Variants in FNBP4 observed in about 807,000 individuals in gnomAD.
FNBP4 encodes formin-binding protein 4.
FNBP4 carries 34 observed loss-of-function variants against 119.3 expected under a neutral mutation model. The observed-to-expected ratio is 0.28, with a 90% confidence interval of 0.22 to 0.38. The LOEUF is 0.38. Ranked by LOEUF, FNBP4 falls within the 10% of genes least tolerant of loss-of-function variation. FNBP4 has a pLI of 1.00. For synonymous variants in FNBP4, 462 were observed against 430.6 expected, an observed-to-expected ratio of 1.07 and a Z score of -0.90; for missense variants, 1,112 against 1,228.9, an observed-to-expected ratio of 0.90 and a Z score of 1.42.
Position 47,746,462 on chromosome 11 carries a change from T to C in FNBP4, c.907-68A>G, listed in dbSNP as rs976542935. 3.9e-6 allele frequency: 5 copies of C among 1,290,882 alleles called. No individual in the cohort carries two copies. The Admixed American group carries it at 7.9e-5, about 20-fold the overall frequency. 80.0% of individuals were successfully genotyped at this position (1,290,882 alleles called of 1,614,324 possible). A position where few individuals can be genotyped will look rare whatever the true frequency, so the allele number is the denominator to read the frequency against. On this transcript the variant is annotated intron_variant, in intron 6 of 16. Transcript: ENST00000263773. ...AAATCTCACCTGCACATACATTCAA[T>C]TGCACACACATTCATATTAACTGTT...
intron 8 of FNBP4, among the ~76,000 whole-genome samples, chr11:47,741,218 G>A (rs1288329544): frequency 2.0e-5 from 3 of 151,500 alleles, no homozygotes; most frequent in Admixed American, 6.6e-5. Context: ...CACTCAGGAT[G>A]GACTGTAGTG....
At chr11:47,754,495 G>A (rs7928954) in intron 3 of FNBP4, 33 bp downstream of exon 3, 1,605,036 of 1,605,068 alleles carry the variant, frequency 1, 802,502 homozygotes, top group Middle Eastern at 1. Flanking sequence ...AGTAGCTTCA[G>A]TAACTAAAAC....
intron 6 of FNBP4, among the ~76,000 whole-genome samples, chr11:47,746,728 G>C (rs139817552): frequency 2.0e-5 from 3 of 152,194 alleles, no homozygotes; most frequent in South Asian, 2.1e-4. Context: ...GGCCAGGCTG[G>C]TCTCAAACTA....
At chr11:47,750,817 G>T in intron 6 of FNBP4, 99 bp downstream of exon 6, 1 of 1,223,180 alleles carries the variant, frequency 8.2e-7, no homozygotes, top group Non-Finnish European at 1.1e-6. Context: ...TATTTCACAT[G>T]TATGACATAA....
chr11:47,751,326 C>A lies in FNBP4; in HGVS notation c.638-36G>T, dbSNP rs1248895783. The A allele has an allele frequency of 3.1e-6, 5 of 1,611,832 alleles. No homozygotes were observed. In the African/African-American group the frequency reaches 6.7e-5, roughly 22 times the overall value. Reference sequence around the variant, plus strand: ...AAACAAATTTTAAGCACAAATCCCTCTACAATTCTGGCTTACATATAAGCT... The same window carrying A: ...AAACAAATTTTAAGCACAAATCCCTATACAATTCTGGCTTACATATAAGCT... On this transcript the variant is annotated intron_variant, in intron 4 of 16. Transcript: ENST00000263773.
At chr11:47,743,328 C>CA (rs896291141) in intron 8 of FNBP4, among the ~76,000 whole-genome samples, 9 of 151,912 alleles carry the variant, frequency 5.9e-5, no homozygotes, top group African/African-American at 2.2e-4. Context: ...ACTAAAAATA[C>CA]AAAAAATAGC....
chr11:47,749,597 A>G (rs983206865), intron 6 of FNBP4, among the ~76,000 whole-genome samples: 40 of 152,160 alleles, frequency 2.6e-4, no homozygotes, highest in Admixed American at 2.6e-4. Flanking sequence ...TTGATGCAAA[A>G]AAGTCTTTAA....
intron 8 of FNBP4, among the ~76,000 whole-genome samples, chr11:47,738,969 C>T (rs10742819): frequency 0.93 from 139,321 of 149,784 alleles, 65,648 homozygotes; most frequent in East Asian, 1. Context: ...CCTCCCAAAC[C>T]GCTGGGATTA....
rs538268222 is a variant in FNBP4 at position 47,718,385 on chromosome 11, TA to T, written c.2964-874del. Reference sequence around the variant, plus strand: ...CCTGCCACCATGTCCAGCTAATTTTTATATTTTTAGTAAAGACAGGTTTTCA... The same window carrying T: ...CCTGCCACCATGTCCAGCTAATTTTTTATTTTTAGTAAAGACAGGTTTTCA... On this transcript the variant is annotated intron_variant, in intron 16 of 16. Transcript: ENST00000263773. 2.6e-5 allele frequency among the ~76,000 whole-genome samples: 4 copies of T among 152,038 alleles called. No individual in the cohort carries two copies. The South Asian group carries it at 8.3e-4, about 31-fold the overall frequency.
rs1005152411 is a variant in FNBP4, at chr11:47,741,192, C to A, written c.1456+2761G>T. The stretch of plus-strand genomic sequence containing the variant: ...GTCTGTTTTTCTTTTTCTTTTGAGG[C>A]AGGGTCTTGCTCTGTCACTCAGGAT... On this transcript the variant is annotated intron_variant, in intron 8 of 16. Coordinates refer to ENST00000263773, the MANE Select transcript of FNBP4 (RefSeq NM_015308.5). Among the ~76,000 whole-genome samples the A allele has an allele frequency of 2.5e-4, 38 of 151,426 alleles. 1 individual carries two copies. The highest frequency in any genetic ancestry group is 5.1e-4 in the Non-Finnish European group (35 of 67,968).
At position 47,767,253 on chromosome 11, in the gene FNBP4, C is replaced by T; in HGVS notation, c.36G>A (p.Arg12=). The change falls in exon 1 of 17, where the codon AGG becomes AGA. Residue 12 remains arginine, a synonymous_variant. Transcript: ENST00000263773. ...GKKSRAVPGR[R]PILQLSPPGP... ...CCGGCGGAGAGAGTTGCAGGATGGG[C>T]CTACGGCCGGGTACCGCCCGGGACT... The T allele has an allele frequency of 6.4e-7, 1 of 1,563,562 alleles. No individual in the cohort carries two copies. Among genetic ancestry groups the T allele is most frequent in the South Asian group, 1.2e-5 (1 of 85,322 alleles).
chr11:47,753,272 C>T lies in FNBP4; in HGVS notation c.451-170G>A, dbSNP rs138774730. On this transcript the variant is annotated intron_variant, in intron 3 of 16. Coordinates refer to ENST00000263773, the MANE Select transcript of FNBP4 (RefSeq NM_015308.5). ...GGTGGATCACTTGAGGTCAGGAATT[C>T]GAGACCAGGCTGGCCAACATGGTGA... Among the ~76,000 whole-genome samples, 679 of 152,152 alleles carry T rather than the reference C, an allele frequency of 4.5e-3. 29 individuals carry two copies. The East Asian group carries it at 0.1, about 23-fold the overall frequency.
chr11:47,744,088 C>G lies in FNBP4; in HGVS notation c.1321G>C (p.Ala441Pro). The change falls in exon 8 of 17, where the codon GCA becomes CCA. Residue 441 changes from alanine to proline, a missense_variant. Ala to Pro is a conservative substitution (Grantham distance 27). Around this residue, in one of 2 missense-constraint regions of FNBP4, gnomAD observed 826 missense variants for 988.8 expected, o/e 0.84. Transcript: ENST00000263773. ...AGCCTACGCATTCCATCTTGAGATGCTGGCTGGCTGATATCAGAACGTGGA... is the reference window on the plus strand; with the variant it reads ...AGCCTACGCATTCCATCTTGAGATGGTGGCTGGCTGATATCAGAACGTGGA... ...SSPRSDISQP[A>P]SQDGMRRLMS... 6.2e-7 allele frequency: 1 copy of G among 1,614,132 alleles called. No individual in the cohort carries two copies. Among genetic ancestry groups the G allele is most frequent in the Non-Finnish European group, 8.5e-7 (1 of 1,180,012 alleles).
At chr11:47,734,940 T>G (rs1289657852) in intron 9 of FNBP4, among the ~76,000 whole-genome samples, 1 of 146,588 alleles carries the variant, frequency 6.8e-6, no homozygotes, top group African/African-American at 2.6e-5. Flanking sequence ...GCCACTGCAA[T>G]CCAGCCTGGT....
rs1565174981 is a variant in FNBP4, at chr11:47,767,074, G to A, written c.215C>T (p.Ser72Leu). The A allele has an allele frequency of 2.0e-6, 3 of 1,530,100 alleles. No individual in the cohort carries two copies. Among genetic ancestry groups the A allele is most frequent in the Non-Finnish European group, 2.6e-6 (3 of 1,144,988 alleles). 94.8% of individuals were successfully genotyped at this position (1,530,100 alleles called of 1,614,324 possible). ...TAAAASDDSPSEDEQEAVQEV... is the reference protein window; with the variant it reads ...TAAAASDDSPLEDEQEAVQEV... ...GTCCCCCCGCGCACCCTTGCCTTCT[G>A]AAGGCGAGTCGTCCGAGGCCGCGGC... is the stretch of plus-strand genomic sequence containing the variant. Residue 72 changes from serine (S) to leucine (L), a missense_variant, in exon 1 of 17, where the codon TCA becomes TTA. Physicochemically the swap from Ser to Leu is moderately radical, Grantham distance 145. Coordinates refer to ENST00000263773, the MANE Select transcript of FNBP4 (RefSeq NM_015308.5).
chr11:47,731,189 C>G, intron 12 of FNBP4, 185 bp downstream of exon 12: 1 of 514,072 alleles, frequency 1.9e-6, no homozygotes, highest in Non-Finnish European at 3.2e-6. Flanking sequence ...CAGTTTTACA[C>G]GTGATAACAA....
chr11:47,753,921 G>T (rs2097609916), intron 3 of FNBP4, among the ~76,000 whole-genome samples: 1 of 152,124 alleles, frequency 6.6e-6, no homozygotes, highest in Non-Finnish European at 1.5e-5. Flanking sequence ...TTTACAAAAA[G>T]AAAAGGGAGG....
Position 47,744,179 on chromosome 11 carries a change from C to A in FNBP4, c.1246-16G>T, listed in dbSNP as rs540312272. 5 of 1,604,984 alleles carry A rather than the reference C, an allele frequency of 3.1e-6. No individual in the cohort carries two copies. The Admixed American group carries it at 6.7e-5, about 21-fold the overall frequency. ...GCAACTCTGCCTACAAAGAACATGA[C>A]AATTAAGTTAGTGTCATTAACTGCT... is the stretch of plus-strand genomic sequence containing the variant. On this transcript the variant is annotated splice_polypyrimidine_tract_variant and intron_variant, in intron 7 of 16. Transcript: ENST00000263773.
In FNBP4 at chr11:47,737,069, G is replaced by A. The variant is rs745754854; in HGVS notation, c.1457-329C>T. Among the ~76,000 whole-genome samples, 28 of 152,110 alleles carry A rather than the reference G, an allele frequency of 1.8e-4. 1 individual carries two copies. Among genetic ancestry groups the A allele is most frequent in the Non-Finnish European group, 3.4e-4 (23 of 68,032 alleles). On this transcript the variant is annotated intron_variant, in intron 8 of 16. Coordinates refer to ENST00000263773, the MANE Select transcript of FNBP4 (RefSeq NM_015308.5). ...ATACAAAAAATTAGCCACGCATGGTGGCATGTGCCTGTAGTCCCAACTGAG... is the reference window on the plus strand; with the variant it reads ...ATACAAAAAATTAGCCACGCATGGTAGCATGTGCCTGTAGTCCCAACTGAG...
Sources: gnomAD v4.1 joint callset for allele counts (sites outside exome capture counted in the v4.1 genomes callset) on GRCh38, gnomAD v4.1.1 for gene constraint, gnomAD v4.1.1 regional missense constraint, MANE v1.5 for transcripts, NCBI Gene and HGNC (gene_info 2026-07-23, HGNC 2026-07-21) for gene names.